The following SBK3 variants were observed in gnomAD, a reference collection of about 807,000 sequenced individuals.
The protein encoded by SBK3 is uncharacterized serine/threonine-protein kinase SBK3.
SBK3 carries 16 observed loss-of-function variants against 12.7 expected under a neutral mutation model. That is an observed-to-expected ratio of 1.26 (90% CI 0.86 to 1.92). The LOEUF is 1.92. Among genes scored for constraint, SBK3 ranks in the 40% most tolerant of loss-of-function variants. The probability of loss-of-function intolerance (pLI) is 0.00; values close to 1 mark genes in which losing one functional copy is unlikely to be tolerated. For synonymous variants in SBK3, 217 were observed against 213.6 expected, an observed-to-expected ratio of 1.02 and a Z score of -0.14; for missense variants, 462 against 481.8, an observed-to-expected ratio of 0.96 and a Z score of 0.38.
chr19:55,543,632 GA>G, intron 3 of SBK3, among the ~76,000 whole-genome samples: 1 of 151,834 alleles, frequency 6.6e-6, no homozygotes, highest in Non-Finnish European at 1.5e-5. Flanking sequence ...CTTTCTAGAA[GA>G]AACCCCATTA....
chr19:55,542,453 A>C (rs1988573296), intron 3 of SBK3, among the ~76,000 whole-genome samples: 2 of 126,140 alleles, frequency 1.6e-5, no homozygotes, highest in African/African-American at 6.2e-5. Flanking sequence ...CCACTCACTC[A>C]CCCACCAAAC....
intron 3 of SBK3, among the ~76,000 whole-genome samples, chr19:55,543,875 C>T (rs562694053): frequency 6.6e-6 from 1 of 152,252 alleles, no homozygotes; most frequent in African/African-American, 2.4e-5. Context: ...CCACCCCCAG[C>T]TCCCTGCCTT....
chr19:55,543,454 G>C (rs910169350), intron 3 of SBK3, among the ~76,000 whole-genome samples: 3 of 150,606 alleles, frequency 2.0e-5, no homozygotes, highest in African/African-American at 7.3e-5. Context: ...TTCTCAATGA[G>C]ACTCATTTCT....
At chr19:55,542,834 ATCCG>A (rs1988587564) in intron 3 of SBK3, among the ~76,000 whole-genome samples, 3 of 145,046 alleles carry the variant, frequency 2.1e-5, no homozygotes, top group African/African-American at 5.2e-5. Flanking sequence ...CCATCCATCC[ATCCG>A]TCCATCCACC....
chr19:55,541,358 C>T lies in SBK3; in HGVS notation c.568G>A (p.Glu190Lys). 6.5e-7 allele frequency: 1 copy of T among 1,535,370 alleles called. No homozygotes were observed. The highest frequency in any genetic ancestry group is 8.7e-7 in the Non-Finnish European group (1 of 1,146,566). ...GGTGGGGCGGGGGTCGGGCTGCCCT[C>T]TGGCCGGGTCAGACCCAGGTCTCCC... ...ALGDLGLTRPEGSPTPAPPVP... is the reference protein window; with the variant it reads ...ALGDLGLTRPKGSPTPAPPVP... Residue 190 changes from glutamate (E) to lysine (K), a missense_variant, in exon 4 of 4, where the codon GAG (glutamate) becomes AAG (lysine). By Grantham distance (56) the Glu-to-Lys change is moderately conservative. Transcript: ENST00000612221. This position sits in a 1 kb window ranked among gnomAD's most constrained non-coding sequence, Gnocchi z 5.3.
Position 55,541,039 on chromosome 19 carries a change from G to A in SBK3, c.887C>T (p.Pro296Leu). The stretch of plus-strand genomic sequence containing the variant: ...CAGGAAGTCCAGGACAGCCAGTGGG[G>A]GGCTCCTAGTCTCGGGATCCAGGTC... Reference protein sequence around the residue: ...LLDLDPETRSPPLAVLDFLGD... With the variant: ...LLDLDPETRSLPLAVLDFLGD... Residue 296 changes from proline to leucine, a missense_variant, in exon 4 of 4, where the codon CCC (proline) becomes CTC (leucine). Pro to Leu is a moderately conservative substitution (Grantham distance 98). Coordinates refer to ENST00000612221, the MANE Select transcript of SBK3 (RefSeq NM_001199824.2). The surrounding 1 kb of genome is among the most constrained non-coding windows in gnomAD (Gnocchi z 5.3). The A allele has an allele frequency of 6.5e-7, 1 of 1,535,970 alleles. No individual in the cohort carries two copies. Among genetic ancestry groups the A allele is most frequent in the Non-Finnish European group, 8.7e-7 (1 of 1,146,858 alleles).
At position 55,541,426 on chromosome 19, in the gene SBK3, T is replaced by A. The variant is rs1035483528; in HGVS notation, c.500A>T (p.Asp167Val). The change falls in exon 4 of 4, where the codon GAC (aspartate) becomes GTC (valine). Residue 167 changes from aspartate to valine, a missense_variant. Asp to Val is a radical substitution (Grantham distance 152). Transcript: ENST00000612221. The surrounding 1 kb of genome is among the most constrained non-coding windows in gnomAD (Gnocchi z 5.3). ...RGLVHADVKP[D>V]NVLVFDPVCS... ...GACCGGGTCGAAGACCAGCACGTTGTCAGGTTTGACATCTGCGTGGACCAG... is the reference window on the plus strand; with the variant it reads ...GACCGGGTCGAAGACCAGCACGTTGACAGGTTTGACATCTGCGTGGACCAG... 9 of 1,535,708 alleles carry A rather than the reference T, an allele frequency of 5.9e-6. No homozygotes were observed. Among genetic ancestry groups the A allele is most frequent in the Non-Finnish European group, 7.8e-6 (9 of 1,146,852 alleles).
Position 55,545,360 on chromosome 19 carries a change from T to G in SBK3, c.45+139A>C, listed in dbSNP as rs1405235874. On this transcript the variant is annotated intron_variant, in intron 1 of 3. Coordinates refer to ENST00000612221, the MANE Select transcript of SBK3 (RefSeq NM_001199824.2). The surrounding 1 kb of genome is among the most constrained non-coding windows in gnomAD (Gnocchi z 4.4). ...GTGTGTCCTTGGATCTCTGTCATCCTCTCTCCCTGGGTCTGGGTCTCTGAG... is the reference window on the plus strand; with the variant it reads ...GTGTGTCCTTGGATCTCTGTCATCCGCTCTCCCTGGGTCTGGGTCTCTGAG... 1.5e-6 allele frequency: 1 copy of G among 682,122 alleles called. No homozygotes were observed. The highest frequency in any genetic ancestry group is 2.5e-6 in the Non-Finnish European group (1 of 403,558). The allele number at this position is 682,122 out of a possible 1,614,324, so 42.3% of individuals were successfully genotyped here.
chr19:55,544,133 G>A lies in SBK3; in HGVS notation c.366C>T (p.Pro122=), dbSNP rs568597842. 2 of 1,529,958 alleles carry A rather than the reference G, an allele frequency of 1.3e-6. No homozygotes were observed. The highest frequency in any genetic ancestry group is 1.2e-5 in the South Asian group (1 of 83,316). The allele number at this position is 1,529,958 out of a possible 1,614,324, so 94.8% of individuals were successfully genotyped here. The change falls in exon 3 of 4, where the codon CCC becomes CCT. Residue 122 remains proline, a synonymous_variant. Transcript: ENST00000612221. ...RYFAFAQEYA[P]CGDLSGMLQE... is the part of the protein sequence containing the mutation. ...GCAGCATCCCGCTGAGGTCCCCACA[G>A]GGCGCGTACTCCTGGGCGAAGGCAA...
Position 55,540,880 on chromosome 19 carries a change from C to T in SBK3, c.1046G>A (p.Gly349Asp), listed in dbSNP as rs752070481. 1.8e-5 allele frequency: 28 copies of T among 1,536,032 alleles called. No homozygotes were observed. Among genetic ancestry groups the T allele is most frequent in the Non-Finnish European group, 2.3e-5 (26 of 1,146,908 alleles). ...WTDEGDDSKS[G>D]GRTGTDGGAP ...TCCCCCATCTGTCCCCGTCCTCCCA[C>T]CACTTTTGCTGTCATCACCCTCATC... Residue 349 changes from glycine (G) to aspartate (D), a missense_variant, in exon 4 of 4, where the codon GGT becomes GAT. Physicochemically the swap from Gly to Asp is moderately conservative, Grantham distance 94. Coordinates refer to ENST00000612221, the MANE Select transcript of SBK3 (RefSeq NM_001199824.2).
At position 55,541,467 on chromosome 19, in the gene SBK3, G is replaced by A. The variant is rs879539384; in HGVS notation, c.459C>T (p.Phe153=). ...CGTGGACCAGCCCCCGGCTGTGGAGGAAGTCCAGAGCTCCTGCCAACTGGG... is the reference window on the plus strand; with the variant it reads ...CGTGGACCAGCCCCCGGCTGTGGAGAAAGTCCAGAGCTCCTGCCAACTGGG... ...VVAQLAGALD[F]LHSRGLVHAD... is the part of the protein sequence containing the mutation. The change falls in exon 4 of 4, where the codon TTC becomes TTT. Residue 153 remains phenylalanine (F), a synonymous_variant. Coordinates refer to ENST00000612221, the MANE Select transcript of SBK3 (RefSeq NM_001199824.2). This position sits in a 1 kb window ranked among gnomAD's most constrained non-coding sequence, Gnocchi z 5.3. 11 of 1,533,514 alleles carry A rather than the reference G, an allele frequency of 7.2e-6. No individual in the cohort carries two copies. The highest frequency in any genetic ancestry group is 2.0e-5 in the Admixed American group (1 of 50,872). The allele number at this position is 1,533,514 out of a possible 1,614,324, so 95.0% of individuals were successfully genotyped here.
rs1277632300 is a variant in SBK3 at position 55,540,700 on chromosome 19, G to A, written c.*146C>T. ...GGGTCCTCAGTTGGAAGAGGAATGC[G>A]CGTCCAAGCCCAGCGTTCCGTAGGG... On this transcript the variant is annotated 3_prime_UTR_variant, in exon 4 of 4. Transcript: ENST00000612221. 7 of 734,726 alleles carry A rather than the reference G, an allele frequency of 9.5e-6. No individual in the cohort carries two copies. Among genetic ancestry groups the A allele is most frequent in the South Asian group, 3.1e-5 (2 of 65,320 alleles). The allele number at this position is 734,726 out of a possible 1,614,324, so 45.5% of individuals were successfully genotyped here. A position where few individuals can be genotyped will look rare whatever the true frequency, so the allele number is the denominator to read the frequency against.
At position 55,544,967 on chromosome 19, in the gene SBK3, G is replaced by A. The variant is rs528975620; in HGVS notation, c.46-18C>T. 2 of 1,516,986 alleles carry A rather than the reference G, an allele frequency of 1.3e-6. No individual in the cohort carries two copies. Among genetic ancestry groups the A allele is most frequent in the African/African-American group, 1.4e-5 (1 of 72,450 alleles). The allele number at this position is 1,516,986 out of a possible 1,614,324, so 94.0% of individuals were successfully genotyped here. ...GTGTCCTCCTACGGGAGAGGGGCAG[G>A]GTGAGGAGGGGGCGCGTCTGGGGTC... On this transcript the variant is annotated intron_variant, in intron 1 of 3. Transcript: ENST00000612221.
Position 55,541,521 on chromosome 19 carries a change from G to T in SBK3, c.405C>A (p.Leu135=), listed in dbSNP as rs1350940284. 3.6e-5 allele frequency: 54 copies of T among 1,508,648 alleles called. No homozygotes were observed. Among genetic ancestry groups the T allele is most frequent in the Non-Finnish European group, 4.6e-5 (52 of 1,129,442 alleles). The allele number at this position is 1,508,648 out of a possible 1,614,324, so 93.5% of individuals were successfully genotyped here. A position where few individuals can be genotyped will look rare whatever the true frequency, so the allele number is the denominator to read the frequency against. ...CCACCCGCTTCACCAGCAGTTCTGGGAGGCCCTGAGGTCAAGAAGACAGGA... is the reference window on the plus strand; with the variant it reads ...CCACCCGCTTCACCAGCAGTTCTGGTAGGCCCTGAGGTCAAGAAGACAGGA... The part of the protein sequence containing the change: ...DLSGMLQERG[L]PELLVKRVVA... Residue 135 remains leucine (L), a synonymous_variant, in exon 4 of 4, where the codon CTC becomes CTA. Transcript: ENST00000612221. This position sits in a 1 kb window ranked among gnomAD's most constrained non-coding sequence, Gnocchi z 5.3.
At position 55,544,418 on chromosome 19, in the gene SBK3, C is replaced by T. The variant is rs75136508; in HGVS notation, c.197-116G>A. The T allele has an allele frequency of 1.3e-3, 1,048 of 825,972 alleles. 15 individuals carry two copies. In the African/African-American group the frequency reaches 0.017, roughly 13 times the overall value. 51.2% of individuals were successfully genotyped at this position (825,972 alleles called of 1,614,324 possible). A position where few individuals can be genotyped will look rare whatever the true frequency, so the allele number is the denominator to read the frequency against. On this transcript the variant is annotated intron_variant, in intron 2 of 3. Coordinates refer to ENST00000612221, the MANE Select transcript of SBK3 (RefSeq NM_001199824.2). ...ACTTCTCATGGGCAGCACGGGCTCCCCTGTCTGTGAAGTGTGGGTGGGAGG... is the reference window on the plus strand; with the variant it reads ...ACTTCTCATGGGCAGCACGGGCTCCTCTGTCTGTGAAGTGTGGGTGGGAGG...
In SBK3 at chr19:55,545,033, G is replaced by A; in HGVS notation, c.46-84C>T. On this transcript the variant is annotated intron_variant, in intron 1 of 3. Transcript: ENST00000612221. This position sits in a 1 kb window ranked among gnomAD's most constrained non-coding sequence, Gnocchi z 4.4. ...GGGAGGAGGTCACGGCGCAGCCCCA[G>A]GATGGAGGGTGGGGCAGGGGACAGG... is the stretch of plus-strand genomic sequence containing the variant. 1 of 1,076,940 alleles carries A rather than the reference G, an allele frequency of 9.3e-7. No homozygotes were observed. The highest frequency in any genetic ancestry group is 1.3e-6 in the Non-Finnish European group (1 of 762,758). The allele number at this position is 1,076,940 out of a possible 1,614,324, so 66.7% of individuals were successfully genotyped here. A position where few individuals can be genotyped will look rare whatever the true frequency, so the allele number is the denominator to read the frequency against.
rs1455867698 is a variant in SBK3, at chr19:55,541,104, C to G, written c.822G>C (p.Gln274His). The G allele has an allele frequency of 1.3e-6, 2 of 1,535,840 alleles. No individual in the cohort carries two copies. The highest frequency in any genetic ancestry group is 1.7e-6 in the Non-Finnish European group (2 of 1,146,762). The part of the protein sequence containing the change: ...QPPQPPPPWD[Q>H]FAPPALALLQ... Reference sequence around the variant, plus strand: ...GCAAGGCCAGGGCTGGGGGCGCAAACTGGTCCCAGGGTGGTGGTGGCTGAG... The same window carrying G: ...GCAAGGCCAGGGCTGGGGGCGCAAAGTGGTCCCAGGGTGGTGGTGGCTGAG... The change falls in exon 4 of 4, where the codon CAG becomes CAC. Residue 274 changes from glutamine (Q) to histidine (H), a missense_variant. Gln to His is a conservative substitution (Grantham distance 24). Transcript: ENST00000612221. This position sits in a 1 kb window ranked among gnomAD's most constrained non-coding sequence, Gnocchi z 5.3.
At position 55,545,470 on chromosome 19, in the gene SBK3, G is replaced by C. The variant is rs769871888; in HGVS notation, c.45+29C>G. The C allele has an allele frequency of 1.3e-6, 2 of 1,496,780 alleles. No individual in the cohort carries two copies. The highest frequency in any genetic ancestry group is 1.2e-5 in the South Asian group (1 of 82,796). The allele number at this position is 1,496,780 out of a possible 1,614,324, so 92.7% of individuals were successfully genotyped here. On this transcript the variant is annotated intron_variant, in intron 1 of 3. Transcript: ENST00000612221. The surrounding 1 kb of genome is among the most constrained non-coding windows in gnomAD (Gnocchi z 4.4). ...CTCTCTCTCCTTCTTTTCTCTCTCTGTCTTCCTCCCCTGGCTCCCGTCTCT... is the reference window on the plus strand; with the variant it reads ...CTCTCTCTCCTTCTTTTCTCTCTCTCTCTTCCTCCCCTGGCTCCCGTCTCT...
In SBK3 at chr19:55,540,729, G is replaced by C. The variant is rs1371928887; in HGVS notation, c.*117C>G. ...CCAAGCCCAGCGTTCCGTAGGGAGA[G>C]TGCAATGTGTTCCCTCTCTGTCCTC... On this transcript the variant is annotated 3_prime_UTR_variant, in exon 4 of 4. Coordinates refer to ENST00000612221, the MANE Select transcript of SBK3 (RefSeq NM_001199824.2). The C allele has an allele frequency of 1.1e-6, 1 of 875,432 alleles. No individual in the cohort carries two copies. The highest frequency in any genetic ancestry group is 2.0e-5 in the Admixed American group (1 of 50,044). 54.2% of individuals were successfully genotyped at this position (875,432 alleles called of 1,614,324 possible).
Sources: allele counts gnomAD v4.1 joint callset (sites outside exome capture counted in the v4.1 genomes callset), GRCh38; gene constraint gnomAD v4.1.1; non-coding constraint Gnocchi (gnomAD v3.1); transcripts MANE v1.5; gene names NCBI Gene and HGNC (gene_info 2026-07-23, HGNC 2026-07-21).